The following PLXNB2 variants were observed in gnomAD, a reference collection of about 807,000 sequenced individuals.
The protein encoded by PLXNB2 is plexin B2.
PLXNB2 carries 85 observed loss-of-function variants against 202.6 expected under a neutral mutation model. That is an observed-to-expected ratio of 0.42 (90% CI 0.35 to 0.50). The LOEUF is 0.50. PLXNB2 is among the 20% of genes least tolerant of loss of function. The pLI is 0.02. For missense variants in PLXNB2, 2,063 were observed against 2,586.2 expected (o/e 0.80, Z 4.39); for synonymous variants, 1,239 against 1,137.6 (o/e 1.09, Z -1.79).
chr22:50,304,331 C>A (rs2067809821), intron 1 of PLXNB2, among the ~76,000 whole-genome samples: 1 of 152,148 alleles, frequency 6.6e-6, no homozygotes, highest in African/African-American at 2.4e-5. Flanking sequence ...GTGCGGGGTG[C>A]CAGTGTTCAG....
At position 50,278,019 on chromosome 22, in the gene PLXNB2, G is replaced by C. The variant is rs759618272; in HGVS notation, c.4888-6C>G. 3.7e-6 allele frequency: 6 copies of C among 1,609,940 alleles called. No individual in the cohort carries two copies. The highest frequency in any genetic ancestry group is 3.3e-5 in the Admixed American group (2 of 59,962). On this transcript the variant is annotated splice_region_variant and splice_polypyrimidine_tract_variant and intron_variant, in intron 31 of 36. Transcript: ENST00000359337. Reference sequence around the variant, plus strand: ...ACAAACTGCTGCAGTGTGCCCTGTGGGGGGGAGGGTCTCAGCGTGACGCCG... The same window carrying C: ...ACAAACTGCTGCAGTGTGCCCTGTGCGGGGGAGGGTCTCAGCGTGACGCCG...
In PLXNB2 at chr22:50,284,104, C is replaced by T. The variant is rs1164385362; in HGVS notation, c.2263+28G>A. 6 of 1,600,872 alleles carry T rather than the reference C, an allele frequency of 3.7e-6. No homozygotes were observed. Among genetic ancestry groups the T allele is most frequent in the East Asian group, 2.2e-5 (1 of 44,706 alleles). On this transcript the variant is annotated intron_variant, in intron 13 of 36. Transcript: ENST00000359337. This position sits in a 1 kb window ranked among gnomAD's most constrained non-coding sequence, Gnocchi z 8.0. ...GCCTTGTGCCCACCCGTCCCCTGCC[C>T]GCCCCCCACTGCGCCCGTGGCCCCC...
intron 1 of PLXNB2, among the ~76,000 whole-genome samples, chr22:50,305,127 T>C (rs1262097978): frequency 6.6e-6 from 1 of 152,238 alleles, no homozygotes; most frequent in Non-Finnish European, 1.5e-5. Context: ...TCCCAGCCAG[T>C]GCACCCCTGC....
intron 36 of PLXNB2, 36 bp downstream of exon 36, chr22:50,275,852 AC>A (rs2147288759): frequency 6.2e-7 from 1 of 1,605,152 alleles, no homozygotes; most frequent in East Asian, 2.2e-5. Flanking sequence ...ACCGCCCAGC[AC>A]CCCACCTGCC....
rs1257157109 is a variant in PLXNB2 at position 50,281,362 on chromosome 22, G to A, written c.3660C>T (p.Tyr1220=). 6.2e-7 allele frequency: 1 copy of A among 1,611,940 alleles called. No individual in the cohort carries two copies. The highest frequency in any genetic ancestry group is 1.1e-5 in the South Asian group (1 of 90,912). Residue 1220 remains tyrosine, a splice_region_variant and synonymous_variant, in exon 22 of 37, where the codon TAC becomes TAT. Coordinates refer to ENST00000359337, the MANE Select transcript of PLXNB2 (RefSeq NM_012401.4). ...VVVIAVSVYC[Y]WRKSQQAERE... is the part of the protein sequence containing the mutation. ...GCACAGCCGGGGGGCGGGCTCACCA[G>A]TAGCAGTAGACAGACACCGCGATGA...
chr22:50,280,692 G>A, intron 24 of PLXNB2, 22 bp from the exon 25 acceptor site: 1 of 1,601,874 alleles, frequency 6.2e-7, no homozygotes, highest in South Asian at 1.1e-5. Context: ...GGCGGTCAAA[G>A]CCTGCCCGGC....
intron 18 of PLXNB2, 135 bp downstream of exon 18, chr22:50,282,576 A>T: frequency 1.5e-6 from 1 of 673,188 alleles, no homozygotes; most frequent in Non-Finnish European, 2.4e-6. Context: ...TCTGGAGTGC[A>T]GTGGGGTTTT....
Position 50,287,196 on chromosome 22 carries a change from C to T in PLXNB2, c.1677G>A (p.Glu559=). 1 of 1,549,278 alleles carries T rather than the reference C, an allele frequency of 6.5e-7. No homozygotes were observed. The highest frequency in any genetic ancestry group is 1.7e-4 in the Middle Eastern group (1 of 5,978). ...EEDELLCLFG[E]SPPHPARVEG... ...CCACGCGGGCGGGGTGTGGCGGCGA[C>T]TCCCCAAAAAGGCACAGCAACTCGT... Residue 559 remains glutamate, a synonymous_variant, in exon 8 of 37, where the codon GAG becomes GAA. Coordinates refer to ENST00000359337, the MANE Select transcript of PLXNB2 (RefSeq NM_012401.4).
chr22:50,305,304 C>T (rs1375170221), intron 1 of PLXNB2, among the ~76,000 whole-genome samples: 4 of 152,184 alleles, frequency 2.6e-5, no homozygotes, highest in Non-Finnish European at 5.9e-5. Flanking sequence ...TTCCCTGGGC[C>T]GGGTCCAAGG....
Position 50,283,137 on chromosome 22 carries a change from C to A in PLXNB2, c.2729G>T (p.Gly910Val). The change falls in exon 17 of 37, where the codon GGC becomes GTC. Residue 910 changes from glycine (G) to valine (V), a missense_variant. Physicochemically the swap from Gly to Val is moderately radical, Grantham distance 109. Coordinates refer to ENST00000359337, the MANE Select transcript of PLXNB2 (RefSeq NM_012401.4). ...GGTGCCGTGGATGGTCAGTGTGGTG[C>A]CGCCCGCCTGCGGTCCCTGCTGCGG... ...VEPQQGPQAG[G>V]TTLTIHGTHL... is the part of the protein sequence containing the mutation. 1 of 1,596,700 alleles carries A rather than the reference C, an allele frequency of 6.3e-7. No homozygotes were observed. Among genetic ancestry groups the A allele is most frequent in the Non-Finnish European group, 8.5e-7 (1 of 1,173,218 alleles).
intron 25 of PLXNB2, 96 bp downstream of exon 25, chr22:50,280,393 G>C: frequency 8.3e-7 from 1 of 1,207,872 alleles, no homozygotes; most frequent in Non-Finnish European, 1.1e-6. Flanking sequence ...GCCGGCTCCT[G>C]GGGGCCCAAC....
In PLXNB2 at chr22:50,280,950, G is replaced by T. The variant is rs777175182; in HGVS notation, c.3787C>A (p.Gln1263Lys). The T allele has an allele frequency of 1.9e-6, 3 of 1,613,278 alleles. No individual in the cohort carries two copies. The highest frequency in any genetic ancestry group is 2.5e-6 in the Non-Finnish European group (3 of 1,179,920). The part of the protein sequence containing the change: ...FTDLMIEMED[Q>K]TNDVHEAGIP... ...CCGGCCTCGTGCACGTCGTTGGTCT[G>T]GTCCTCCATCTCGATCATCAGGTCT... Residue 1263 changes from glutamine to lysine, a missense_variant, in exon 24 of 37, where the codon CAG becomes AAG. Physicochemically the swap from Gln to Lys is moderately conservative, Grantham distance 53. This residue lies in a region of PLXNB2 where 760 missense variants were observed against 1,109.4 expected (regional missense o/e 0.69). Coordinates refer to ENST00000359337, the MANE Select transcript of PLXNB2 (RefSeq NM_012401.4).
Position 50,287,157 on chromosome 22 carries a change from G to A in PLXNB2, c.1716C>T (p.Val572=). 1 of 1,545,484 alleles carries A rather than the reference G, an allele frequency of 6.5e-7. No homozygotes were observed. The highest frequency in any genetic ancestry group is 8.7e-7 in the Non-Finnish European group (1 of 1,144,336). Residue 572 remains valine, a synonymous_variant, in exon 8 of 37, where the codon GTC becomes GTT. Coordinates refer to ENST00000359337, the MANE Select transcript of PLXNB2 (RefSeq NM_012401.4). ...GGATGCTGCTTGGGGAGTTGCAGAT[G>A]ACGGCCTCGCCCTCCACGCGGGCGG... The part of the protein sequence containing the change: ...PHPARVEGEA[V]ICNSPSSIPV...
At position 50,284,665 on chromosome 22, in the gene PLXNB2, C is replaced by A. The variant is rs200360490; in HGVS notation, c.2089G>T (p.Gly697Cys). 1.1e-4 allele frequency: 178 copies of A among 1,611,644 alleles called. No homozygotes were observed. The highest frequency in any genetic ancestry group is 1.4e-4 in the Non-Finnish European group (165 of 1,178,972). Residue 697 changes from glycine (G) to cysteine (C), a missense_variant and splice_region_variant, in exon 12 of 37, where the codon GGT (glycine) becomes TGT (cysteine). Gly to Cys is a radical substitution (Grantham distance 159, BLOSUM62 -3). This residue lies in a region of PLXNB2 where 1,303 missense variants were observed against 1,476.8 expected (regional missense o/e 0.88). Coordinates refer to ENST00000359337, the MANE Select transcript of PLXNB2 (RefSeq NM_012401.4). This position sits in a 1 kb window ranked among gnomAD's most constrained non-coding sequence, Gnocchi z 8.0. Reference sequence around the variant, plus strand: ...TCACTGCCCACGTGCAGGGAGGAACCCTGCAGACCATGCCGTCAGGACCCT... The same window carrying A: ...TCACTGCCCACGTGCAGGGAGGAACACTGCAGACCATGCCGTCAGGACCCT... ...FQGKNLDTVK[G>C]SSLHVGSDLL... is the part of the protein sequence containing the mutation.
intron 1 of PLXNB2, chr22:50,300,167 G>T: frequency 2.9e-6 from 2 of 688,434 alleles, no homozygotes; most frequent in Non-Finnish European, 3.6e-6. Flanking sequence ...AACCTCACCA[G>T]GCCGGGGGCC....
rs1440055152 is a variant in PLXNB2, at chr22:50,284,977, A to T, written c.2089-312T>A. 1 of 499,762 alleles carries T rather than the reference A, an allele frequency of 2.0e-6. No homozygotes were observed. The highest frequency in any genetic ancestry group is 2.5e-5 in the Admixed American group (1 of 40,002). The allele number at this position is 499,762 out of a possible 1,614,324, so 31.0% of individuals were successfully genotyped here. On this transcript the variant is annotated intron_variant, in intron 11 of 36. Transcript: ENST00000359337. The surrounding 1 kb of genome is among the most constrained non-coding windows in gnomAD (Gnocchi z 8.0). The stretch of plus-strand genomic sequence containing the variant: ...CACAGCTCCCTCCTCAGGAGGTGGC[A>T]CTGGCCCCTCAATCTCCACACGCCT...
intron 1 of PLXNB2, among the ~76,000 whole-genome samples, chr22:50,302,105 G>A (rs1285446450): frequency 2.6e-5 from 4 of 152,228 alleles, no homozygotes. Context: ...GCCATGTGTG[G>A]CATGGGGAAG....
At chr22:50,281,813 C>A (rs1402837736) in intron 20 of PLXNB2, 41 bp downstream of exon 20, 1 of 1,591,794 alleles carries the variant, frequency 6.3e-7, no homozygotes, top group East Asian at 2.2e-5. Context: ...TCAGCCCAGA[C>A]CCGAGCAGGA....
chr22:50,282,520 C>T (rs1475716012), intron 18 of PLXNB2, 191 bp downstream of exon 18: 19 of 672,412 alleles, frequency 2.8e-5, no homozygotes, highest in Admixed American at 2.1e-4. Flanking sequence ...GCCTGGTGAG[C>T]GTGGAGCCTC....
Sources: gnomAD v4.1 joint callset for allele counts (sites outside exome capture counted in the v4.1 genomes callset) on GRCh38, gnomAD v4.1.1 for gene constraint, gnomAD v4.1.1 regional missense constraint, Gnocchi (gnomAD v3.1) non-coding constraint, MANE v1.5 for transcripts, NCBI Gene and HGNC (gene_info 2026-07-23, HGNC 2026-07-21) for gene names.